The following ARK2C variants were observed in gnomAD, a reference collection of about 807,000 sequenced individuals.
The protein encoded by ARK2C is arkadia (RNF111) C-terminal like ring finger ubiquitin ligase 2C, also known as E3 ubiquitin-protein ligase ARK2C.
the ARK2C span, chr18:46,385,804 A>G: frequency 6.6e-6 from 1 of 152,198 alleles, no homozygotes; most frequent in Non-Finnish European, 1.5e-5. Context: ...ATTGGAAAAG[A>G]GATTTTTGCC....
chr18:46,432,074 A>G, the ARK2C span, among the ~76,000 whole-genome samples: 1 of 152,098 alleles, frequency 6.6e-6, no homozygotes, highest in Non-Finnish European at 1.5e-5. Context: ...GGGTATTGGG[A>G]GGAGCAGACA....
At chr18:46,383,119 G>A in the ARK2C span, among the ~76,000 whole-genome samples, 16 of 152,368 alleles carry the variant, frequency 1.1e-4, no homozygotes, top group South Asian at 3.1e-3. Flanking sequence ...CCTAGCCTAG[G>A]CCGGGGTAGG....
At chr18:46,451,802 A>G in the ARK2C span, among the ~76,000 whole-genome samples, 2 of 152,214 alleles carry the variant, frequency 1.3e-5, no homozygotes, top group Non-Finnish European at 2.9e-5. Flanking sequence ...AAGACCCTGT[A>G]TCAAACAAAG....
the ARK2C span, among the ~76,000 whole-genome samples, chr18:46,395,567 A>C: frequency 2.8e-4 from 42 of 152,260 alleles, no homozygotes; most frequent in African/African-American, 9.4e-4. Context: ...GAGTGATACT[A>C]AGTAACTCAT....
chr18:46,388,210 A>G, the ARK2C span, among the ~76,000 whole-genome samples: 1 of 152,216 alleles, frequency 6.6e-6, no homozygotes, highest in Non-Finnish European at 1.5e-5. Context: ...TCCCTGGCTA[A>G]GTAAGTTGGA....
At chr18:46,430,799 G>A in the ARK2C span, among the ~76,000 whole-genome samples, 4 of 152,100 alleles carry the variant, frequency 2.6e-5, no homozygotes, top group African/African-American at 9.7e-5. Context: ...TCCTGTTGTT[G>A]CATGGATCCA....
chr18:46,396,816 G>A, the ARK2C span, among the ~76,000 whole-genome samples: 1 of 152,220 alleles, frequency 6.6e-6, no homozygotes, highest in East Asian at 1.9e-4. Context: ...AAGGACGGGC[G>A]TGGTGGGGCC....
the ARK2C span, among the ~76,000 whole-genome samples, chr18:46,452,710 C>G: frequency 5.1e-4 from 78 of 152,220 alleles, 1 homozygote; most frequent in African/African-American, 1.9e-3. Context: ...GCTTGACAAA[C>G]ATTAAGAATC....
the ARK2C span, chr18:46,386,043 G>A: frequency 1.3e-5 from 2 of 152,188 alleles, no homozygotes; most frequent in Admixed American, 6.5e-5. Flanking sequence ...TTTCTCAGCT[G>A]TTTTGCCAAA....
the ARK2C span, among the ~76,000 whole-genome samples, chr18:46,455,551 T>C: frequency 6.6e-6 from 1 of 151,998 alleles, no homozygotes; most frequent in Admixed American, 6.6e-5. Flanking sequence ...CTTAAGAACT[T>C]TATGGCCGGG....
At chr18:46,413,418 T>C in the ARK2C span, among the ~76,000 whole-genome samples, 1 of 152,090 alleles carries the variant, frequency 6.6e-6, no homozygotes, top group African/African-American at 2.4e-5. Context: ...TAGTCAGTTC[T>C]GAGTGGGATA....
the ARK2C span, among the ~76,000 whole-genome samples, chr18:46,394,532 ACT>A: frequency 6.6e-6 from 1 of 151,962 alleles, no homozygotes; most frequent in Non-Finnish European, 1.5e-5. Flanking sequence ...CTGAGTGCCC[ACT>A]CTCATTCAGC....
At chr18:46,433,553 A>AG in the ARK2C span, 4 of 1,501,978 alleles carry the variant, frequency 2.7e-6, no homozygotes, top group South Asian at 5.1e-5. Context: ...GGGTCGGGTG[A>AG]GGGGGCAGGG....
the ARK2C span, among the ~76,000 whole-genome samples, chr18:46,380,834 A>T: frequency 1.3e-5 from 2 of 152,226 alleles, no homozygotes; most frequent in Admixed American, 6.5e-5. Context: ...CCCTTCCTGC[A>T]GGTCCCCATC....
chr18:46,410,201 A>G, the ARK2C span, among the ~76,000 whole-genome samples: 13 of 152,196 alleles, frequency 8.5e-5, no homozygotes, highest in African/African-American at 2.9e-4. Flanking sequence ...TAAGGCCCCA[A>G]ATGCTTAGCC....
At chr18:46,451,997 G>A in the ARK2C span, among the ~76,000 whole-genome samples, 1 of 152,196 alleles carries the variant, frequency 6.6e-6, no homozygotes, top group Non-Finnish European at 1.5e-5. Context: ...CAGTGGGGAG[G>A]GAGGGAGGAA....
chr18:46,383,702 C>A, the ARK2C span, among the ~76,000 whole-genome samples: 1 of 152,116 alleles, frequency 6.6e-6, no homozygotes, highest in Non-Finnish European at 1.5e-5. Context: ...CTACAGGCAG[C>A]CACCACCGCG....
At chr18:46,442,651 A>T in the ARK2C span, among the ~76,000 whole-genome samples, 1 of 152,174 alleles carries the variant, frequency 6.6e-6, no homozygotes, top group Non-Finnish European at 1.5e-5. Flanking sequence ...GTATTCTATA[A>T]ATGTCTCTTA....
At chr18:46,375,566 TAATAA>T in the ARK2C span, among the ~76,000 whole-genome samples, 4 of 97,016 alleles carry the variant, frequency 4.1e-5, no homozygotes, top group Admixed American at 2.0e-4. Context: ...ATAATAATAA[TAATAA>T]TAATAATAAT....
Sources: gnomAD v4.1 joint callset for allele counts (sites outside exome capture counted in the v4.1 genomes callset) on GRCh38, gnomAD v4.1.1 for gene constraint, MANE v1.5 for transcripts, NCBI Gene and HGNC (gene_info 2026-07-23, HGNC 2026-07-21) for gene names.